The following TMEM38A variants were observed in gnomAD, a reference collection of about 807,000 sequenced individuals.
TMEM38A encodes transmembrane protein 38A, also known as trimeric intracellular cation channel type A.
In TMEM38A, 17 loss-of-function variants were observed where a neutral mutation model predicts 28.6. The ratio of observed to expected loss-of-function variants is 0.60; its 90% CI spans 0.41 to 0.89. The LOEUF (loss-of-function observed/expected upper bound fraction) is 0.89, where lower values mean the gene tolerates loss of function less well. TMEM38A is among the 40% of genes least tolerant of loss of function. The probability of loss-of-function intolerance (pLI) is 0.00; values close to 1 mark genes in which losing one functional copy is unlikely to be tolerated. For synonymous variants in TMEM38A, 169 were observed against 166.1 expected (o/e 1.02, Z -0.14); for missense variants, 328 against 393.1 (o/e 0.83, Z 1.40).
intron 1 of TMEM38A, among the ~76,000 whole-genome samples, chr19:16,670,055 C>T (rs546625654): frequency 1.6e-4 from 24 of 151,964 alleles, no homozygotes; most frequent in African/African-American, 5.1e-4. Flanking sequence ...CCGCAACCTC[C>T]GCCTCATGGG....
chr19:16,679,946 A>G (rs914149234), intron 1 of TMEM38A, 38 bp from the exon 2 acceptor site: 2 of 1,560,762 alleles, frequency 1.3e-6, no homozygotes, highest in East Asian at 2.3e-5. Context: ...TGCCCTTGGC[A>G]TGCTGGTGAT....
intron 1 of TMEM38A, among the ~76,000 whole-genome samples, chr19:16,678,682 T>C (rs1396106902): frequency 1.3e-5 from 2 of 149,128 alleles, no homozygotes; most frequent in East Asian, 4.0e-4. Context: ...GGAGGAGTGT[T>C]TGAGCCCAGG....
At chr19:16,671,501 G>A (rs995295142) in intron 1 of TMEM38A, among the ~76,000 whole-genome samples, 4 of 152,002 alleles carry the variant, frequency 2.6e-5, no homozygotes, top group Non-Finnish European at 4.4e-5. Context: ...GAGCCACTGC[G>A]CCTGGCCGTC....
At chr19:16,675,464 G>A (rs561138452) in intron 1 of TMEM38A, among the ~76,000 whole-genome samples, 14 of 151,596 alleles carry the variant, frequency 9.2e-5, no homozygotes, top group African/African-American at 3.4e-4. Flanking sequence ...GAACTCCTAG[G>A]CTCAAGAGAT....
At position 16,676,113 on chromosome 19, in the gene TMEM38A, C is replaced by A. The variant is rs1428806904; in HGVS notation, c.125-3871C>A. Reference sequence around the variant, plus strand: ...CGGTGGCTCACACCTGTAATCCCAGCACTTTGTGAGGCCGAGGCAGGCGGA... The same window carrying A: ...CGGTGGCTCACACCTGTAATCCCAGAACTTTGTGAGGCCGAGGCAGGCGGA... On this transcript the variant is annotated intron_variant, in intron 1 of 5. Coordinates refer to ENST00000187762, the MANE Select transcript of TMEM38A (RefSeq NM_024074.4). Among the ~76,000 whole-genome samples the A allele has an allele frequency of 1.5e-5, 2 of 133,502 alleles. 1 individual carries two copies. Among genetic ancestry groups the A allele is most frequent in the Admixed American group, 1.4e-4 (2 of 14,580 alleles). The allele number at this position is 133,502 out of a possible 152,430, so 87.6% of individuals were successfully genotyped here.
At chr19:16,667,932 G>C (rs1041926288) in intron 1 of TMEM38A, among the ~76,000 whole-genome samples, 2 of 151,414 alleles carry the variant, frequency 1.3e-5, no homozygotes, top group African/African-American at 4.9e-5. Flanking sequence ...TTGTGGGTCA[G>C]GCATGGTGGC....
At chr19:16,666,924 G>A (rs2086705407) in intron 1 of TMEM38A, among the ~76,000 whole-genome samples, 1 of 149,640 alleles carries the variant, frequency 6.7e-6, no homozygotes, top group African/African-American at 2.5e-5. Context: ...CTGCACTCCA[G>A]CCTGGGCAAA....
At chr19:16,672,499 A>C (rs1319153043) in intron 1 of TMEM38A, among the ~76,000 whole-genome samples, 5 of 129,434 alleles carry the variant, frequency 3.9e-5, no homozygotes, top group Non-Finnish European at 1.5e-5. Flanking sequence ...CCCAGGCTGG[A>C]GTGCAGTGGT....
chr19:16,683,346 T>C (rs1599392072), intron 4 of TMEM38A, among the ~76,000 whole-genome samples: 1 of 151,904 alleles, frequency 6.6e-6, no homozygotes, highest in Non-Finnish European at 1.5e-5. Flanking sequence ...CTCTGCACTT[T>C]GGGAGGCCAA....
Position 16,680,109 on chromosome 19 carries a change from A to G in TMEM38A, c.250A>G (p.Asn84Asp). 1.2e-6 allele frequency: 2 copies of G among 1,610,304 alleles called. No homozygotes were observed. The change falls in exon 2 of 6, where the codon AAC (asparagine) becomes GAC (aspartate). Residue 84 changes from asparagine (N) to aspartate (D), a missense_variant. Asn to Asp is a conservative substitution (Grantham distance 23). Coordinates refer to ENST00000187762, the MANE Select transcript of TMEM38A (RefSeq NM_024074.4). ...GCCACTGATCGATTACTTCAGCAAC[A>G]ACTCCAGCATCCTGCTGGCCTCAGC... The part of the protein sequence containing the change: ...GEPLIDYFSN[N>D]SSILLASAVW...
At chr19:16,676,735 G>A (rs996285894) in intron 1 of TMEM38A, among the ~76,000 whole-genome samples, 3 of 150,706 alleles carry the variant, frequency 2.0e-5, no homozygotes, top group East Asian at 1.9e-4. Context: ...ACTGTACCCC[G>A]AGTGTTGCAT....
intron 1 of TMEM38A, among the ~76,000 whole-genome samples, chr19:16,672,446 A>ATTTTTTTTTTTTTT (rs746189021): frequency 9.5e-5 from 10 of 104,996 alleles, no homozygotes; most frequent in African/African-American, 3.4e-4. Context: ...AAAAAACCTC[A>ATTTTTTTTTTTTTT]TTTTTTTTTT....
chr19:16,687,146 AC>A (rs919155947), intron 5 of TMEM38A, among the ~76,000 whole-genome samples: 10 of 152,170 alleles, frequency 6.6e-5, no homozygotes, highest in Non-Finnish European at 1.3e-4. Context: ...AGCCTGGGCA[AC>A]ATGGCGAAAC....
Position 16,661,203 on chromosome 19 carries a change from G to C in TMEM38A, c.-15G>C, listed in dbSNP as rs1353334506. ...GGGCCCCGGGTGGCACCCGGCAGGC[G>C]GGCAGGCGGGCGCCATGGAGCTGCT... On this transcript the variant is annotated 5_prime_UTR_variant, in exon 1 of 6. Coordinates refer to ENST00000187762, the MANE Select transcript of TMEM38A (RefSeq NM_024074.4). The surrounding 1 kb of genome is among the most constrained non-coding windows in gnomAD (Gnocchi z 6.5). 2 of 1,434,088 alleles carry C rather than the reference G, an allele frequency of 1.4e-6. No homozygotes were observed. The highest frequency in any genetic ancestry group is 2.9e-5 in the East Asian group (1 of 34,560). 88.8% of individuals were successfully genotyped at this position (1,434,088 alleles called of 1,614,324 possible). A position where few individuals can be genotyped will look rare whatever the true frequency, so the allele number is the denominator to read the frequency against.
At chr19:16,675,459 C>T (rs759003542) in intron 1 of TMEM38A, among the ~76,000 whole-genome samples, 3 of 151,732 alleles carry the variant, frequency 2.0e-5, no homozygotes, top group Admixed American at 2.0e-4. Flanking sequence ...GTCTGGAACT[C>T]CTAGGCTCAA....
chr19:16,680,530 CACCACT>C lies in TMEM38A; in HGVS notation c.421_426del (p.Tyr141_His142del). On this transcript the variant is annotated inframe_deletion, in exon 3 of 6. Transcript: ENST00000187762. ...CGCGGTGGGCATCCATCACGCCCAT[CACCACT>C]ACCACCACGGGTGGTTCGTCATGAT... The C allele has an allele frequency of 6.2e-7, 1 of 1,614,150 alleles. No individual in the cohort carries two copies. Among genetic ancestry groups the C allele is most frequent in the Non-Finnish European group, 8.5e-7 (1 of 1,180,016 alleles).
At position 16,673,701 on chromosome 19, in the gene TMEM38A, TAAG is replaced by T. The variant is rs1228088955; in HGVS notation, c.125-6277_125-6275del. 3.9e-5 allele frequency among the ~76,000 whole-genome samples: 6 copies of T among 152,266 alleles called. No individual in the cohort carries two copies. The Middle Eastern group carries it at 0.014, about 345-fold the overall frequency. ...TTTCCCCCTGTGAGGTTGACCAAGC[TAAG>T]AAGAACGTAATTCCTTTTACAGAGT... On this transcript the variant is annotated intron_variant, in intron 1 of 5. Transcript: ENST00000187762.
intron 1 of TMEM38A, among the ~76,000 whole-genome samples, chr19:16,671,460 C>T (rs1160662781): frequency 3.9e-5 from 6 of 152,026 alleles, no homozygotes; most frequent in Non-Finnish European, 8.8e-5. Context: ...CCACCTGCCT[C>T]GGCCTCCCAG....
At chr19:16,666,952 CAA>C (rs34700803) in intron 1 of TMEM38A, among the ~76,000 whole-genome samples, 9 of 122,780 alleles carry the variant, frequency 7.3e-5, no homozygotes, top group Admixed American at 8.4e-5. Flanking sequence ...AACTCCATCT[CAA>C]AAAAAAAAAA....
Sources: allele counts gnomAD v4.1 joint callset (sites outside exome capture counted in the v4.1 genomes callset), GRCh38; gene constraint gnomAD v4.1.1; non-coding constraint Gnocchi (gnomAD v3.1); transcripts MANE v1.5; gene names NCBI Gene and HGNC (gene_info 2026-07-23, HGNC 2026-07-21).